CRACD: variants seen among roughly 807,000 people sequenced by gnomAD.
CRACD encodes the protein capping protein-inhibiting regulator of actin dynamics.
A neutral mutation model predicts 106.8 loss-of-function variants in CRACD; 56 were observed. That is an observed-to-expected ratio of 0.52 (90% CI 0.42 to 0.66). The LOEUF (loss-of-function observed/expected upper bound fraction) is 0.66, where lower values mean the gene tolerates loss of function less well. CRACD is among the 30% of genes least tolerant of loss of function. The pLI is 0.00. For missense variants in CRACD, 1,730 were observed against 1,623.2 expected (o/e 1.07, Z -1.13); for synonymous variants, 754 against 670.8 (o/e 1.12, Z -1.92).
intron 4 of CRACD, 81 bp downstream of exon 4, chr4:56,298,430 C>A: frequency 6.5e-7 from 1 of 1,549,480 alleles, no homozygotes; most frequent in Non-Finnish European, 8.8e-7. Flanking sequence ...CCGAGCTTGG[C>A]CTTGAGTAAT....
intron 1 of CRACD, among the ~76,000 whole-genome samples, chr4:56,057,813 T>G (rs1732134261): frequency 2.1e-5 from 2 of 96,532 alleles, no homozygotes; most frequent in Non-Finnish European, 2.0e-5. Context: ...TTTTTTTTTT[T>G]GTTTTTTTTT....
chr4:56,296,797 G>T (rs1227763218), intron 3 of CRACD, among the ~76,000 whole-genome samples: 1 of 152,204 alleles, frequency 6.6e-6, no homozygotes, highest in Non-Finnish European at 1.5e-5. Context: ...CAGCCTCAGT[G>T]TGTACTCTTT....
chr4:56,270,471 G>C (rs1268761903), intron 2 of CRACD, among the ~76,000 whole-genome samples: 3 of 152,176 alleles, frequency 2.0e-5, no homozygotes, highest in African/African-American at 7.2e-5. Flanking sequence ...TTCCTCTATG[G>C]ATCTGGCCAG....
chr4:56,257,079 CTT>C (rs566765737), intron 2 of CRACD, among the ~76,000 whole-genome samples: 13,271 of 114,086 alleles, frequency 0.12, 979 homozygotes, highest in East Asian at 0.53. Context: ...TTTTGATGTT[CTT>C]TTTTTTTTTT....
intron 2 of CRACD, among the ~76,000 whole-genome samples, chr4:56,262,267 A>G (rs1741750570): frequency 6.6e-6 from 1 of 152,206 alleles, no homozygotes; most frequent in Admixed American, 6.5e-5. Flanking sequence ...TGATGGGCAT[A>G]GGCATATTTC....
At chr4:56,216,709 G>A (rs575884459) in intron 2 of CRACD, among the ~76,000 whole-genome samples, 47 of 152,212 alleles carry the variant, frequency 3.1e-4, no homozygotes, top group African/African-American at 1.1e-3. Context: ...GGCCGGGCGC[G>A]GTGGCTCACG....
chr4:56,152,993 T>C (rs1735635815), intron 1 of CRACD, among the ~76,000 whole-genome samples: 1 of 152,120 alleles, frequency 6.6e-6, no homozygotes. Context: ...AAAATACAAT[T>C]CCTGGCCAGG....
At chr4:56,061,673 T>C (rs867022196) in intron 1 of CRACD, among the ~76,000 whole-genome samples, 2 of 152,110 alleles carry the variant, frequency 1.3e-5, no homozygotes, top group African/African-American at 4.8e-5. Context: ...TATGTATACA[T>C]AAGTATATAA....
chr4:56,191,061 TGAG>T (rs1264623270), intron 2 of CRACD, among the ~76,000 whole-genome samples: 1 of 152,140 alleles, frequency 6.6e-6, no homozygotes, highest in Admixed American at 6.5e-5. Flanking sequence ...TTGTAGGCAT[TGAG>T]GAGATAAAGT....
intron 3 of CRACD, among the ~76,000 whole-genome samples, chr4:56,295,424 A>G (rs541386025): frequency 6.6e-6 from 1 of 151,808 alleles, no homozygotes; most frequent in African/African-American, 2.4e-5. Flanking sequence ...CATTTTCTCT[A>G]TTTTTCAATA....
At chr4:56,277,513 A>G (rs1364142621) in intron 3 of CRACD, among the ~76,000 whole-genome samples, 5 of 152,050 alleles carry the variant, frequency 3.3e-5, no homozygotes, top group Admixed American at 3.3e-4. Flanking sequence ...CTTGATAAAG[A>G]GCATCTGAAA....
chr4:56,088,081 A>C (rs1733290138), intron 1 of CRACD, among the ~76,000 whole-genome samples: 1 of 151,332 alleles, frequency 6.6e-6, no homozygotes, highest in Non-Finnish European at 1.5e-5. Flanking sequence ...CCAAATCTCC[A>C]GTGTGACTAA....
In CRACD at chr4:56,329,200, A is replaced by G. The variant is rs35854625; in HGVS notation, c.*1396A>G. Among the ~76,000 whole-genome samples, 13,365 of 152,194 alleles carry G rather than the reference A, an allele frequency of 0.088. 732 individuals are homozygous for G. Among genetic ancestry groups the G allele is most frequent in the East Asian group, 0.26 (1,342 of 5,158 alleles). On this transcript the variant is annotated 3_prime_UTR_variant, in exon 11 of 11. Coordinates refer to ENST00000682029, the MANE Select transcript of CRACD (RefSeq NM_001393381.1). ...GAAACAGACATACTGGCAAACTCAC[A>G]TATTGCTGGTGCTAACCTTATATTT...
At chr4:56,177,667 A>C (rs1340753061) in intron 1 of CRACD, among the ~76,000 whole-genome samples, 1 of 152,082 alleles carries the variant, frequency 6.6e-6, no homozygotes, top group African/African-American at 2.4e-5. Context: ...CTAATGAGAG[A>C]CTTTTTATTG....
intron 2 of CRACD, among the ~76,000 whole-genome samples, chr4:56,207,553 A>T (rs1460383263): frequency 6.6e-6 from 1 of 151,998 alleles, no homozygotes; most frequent in African/African-American, 2.4e-5. Context: ...CCATCTATCA[A>T]GGCATAAGGT....
At chr4:56,183,074 A>G (rs1736907880) in intron 2 of CRACD, among the ~76,000 whole-genome samples, 1 of 151,760 alleles carries the variant, frequency 6.6e-6, no homozygotes, top group Non-Finnish European at 1.5e-5. Flanking sequence ...CTCTACTAAA[A>G]ATACAAAAAT....
chr4:56,166,164 A>G lies in CRACD; in HGVS notation c.-335-13120A>G, dbSNP rs1235658752. Among the ~76,000 whole-genome samples, 4 of 152,194 alleles carry G rather than the reference A, an allele frequency of 2.6e-5. No individual in the cohort carries two copies. In the East Asian group the frequency reaches 7.7e-4, roughly 29 times the overall value. ...AGCCACTGTACCCAGCTGGAAATAT[A>G]AATTAATATAGTTTGGAAGGCAGTT... On this transcript the variant is annotated intron_variant, in intron 1 of 10. Transcript: ENST00000682029.
chr4:56,127,585 G>A (rs1364593436), intron 1 of CRACD, among the ~76,000 whole-genome samples: 9 of 152,170 alleles, frequency 5.9e-5, no homozygotes. Context: ...TTTGGAGGCA[G>A]AGGCCAAAGA....
chr4:56,155,043 A>G (rs577714778), intron 1 of CRACD, among the ~76,000 whole-genome samples: 15 of 152,282 alleles, frequency 9.9e-5, no homozygotes, highest in African/African-American at 3.4e-4. Context: ...CATCATCATC[A>G]TCATCATAGC....
Sources: gnomAD v4.1 joint callset for allele counts (sites outside exome capture counted in the v4.1 genomes callset) on GRCh38, gnomAD v4.1.1 for gene constraint, MANE v1.5 for transcripts, NCBI Gene and HGNC (gene_info 2026-07-23, HGNC 2026-07-21) for gene names.